Variants in CDCP1 observed in about 807,000 individuals in gnomAD.
CDCP1 encodes the protein CUB domain containing protein 1.
In CDCP1, 29 loss-of-function variants were observed where a neutral mutation model predicts 60.2. The observed-to-expected ratio is 0.48, with a 90% CI of 0.36 to 0.66. CDCP1 has a LOEUF of 0.66. Among genes scored for constraint, CDCP1 ranks in the 30% least tolerant of loss-of-function variants. The pLI is 0.00. For synonymous variants in CDCP1, 387 were observed against 431.1 expected, an observed-to-expected ratio of 0.90 and a Z score of 1.27; for missense variants, 876 against 1,074.3, an observed-to-expected ratio of 0.82 and a Z score of 2.58.
At chr3:45,101,253 G>A (rs1021906616) in intron 4 of CDCP1, among the ~76,000 whole-genome samples, 6 of 152,172 alleles carry the variant, frequency 3.9e-5, no homozygotes, top group African/African-American at 1.4e-4. Context: ...CAGGGGTGGT[G>A]AATATTTTAG....
chr3:45,102,774 C>T (rs1380787438), intron 4 of CDCP1, among the ~76,000 whole-genome samples: 3 of 152,158 alleles, frequency 2.0e-5, no homozygotes, highest in South Asian at 4.1e-4. Flanking sequence ...GATTCTCCCA[C>T]CTCAGCCTCC....
At chr3:45,108,679 CA>C (rs1698613800) in intron 4 of CDCP1, among the ~76,000 whole-genome samples, 1 of 148,048 alleles carries the variant, frequency 6.8e-6, no homozygotes, top group Non-Finnish European at 1.5e-5. Context: ...CACACACACA[CA>C]CTATATATAT....
In CDCP1 at chr3:45,085,923, T is replaced by C. The variant is rs756678904; in HGVS notation, c.2226A>G (p.Val742=). The change falls in exon 9 of 9, where the codon GTA becomes GTG. Residue 742 remains valine (V), a synonymous_variant. Transcript: ENST00000296129. The surrounding 1 kb of genome is among the most constrained non-coding windows in gnomAD (Gnocchi z 4.2). ...TGGAATCCTGTAGCAGATGCCCATA[T>C]ACCATGGTGTCCTCGATGACTGCAT... ...HVYAVIEDTM[V]YGHLLQDSSG... is the part of the protein sequence containing the mutation. 6.2e-6 allele frequency: 10 copies of C among 1,614,068 alleles called. No homozygotes were observed. The South Asian group carries it at 6.6e-5, about 11-fold the overall frequency.
At chr3:45,120,966 C>CA (rs1231372501) in intron 1 of CDCP1, among the ~76,000 whole-genome samples, 1 of 152,140 alleles carries the variant, frequency 6.6e-6, no homozygotes, top group African/African-American at 2.4e-5. Flanking sequence ...TGAGCTCCTA[C>CA]AGGAGGCAGC....
chr3:45,088,309 C>T (rs1698234621), intron 8 of CDCP1, among the ~76,000 whole-genome samples: 1 of 151,540 alleles, frequency 6.6e-6, no homozygotes, highest in South Asian at 2.1e-4. Flanking sequence ...AGGTGAAATC[C>T]CGTTTCTACA....
At chr3:45,125,621 G>T (rs1288506028) in intron 1 of CDCP1, among the ~76,000 whole-genome samples, 1 of 152,182 alleles carries the variant, frequency 6.6e-6, no homozygotes, top group African/African-American at 2.4e-5. Flanking sequence ...CAGCGATGGG[G>T]CACCATTGAA....
At chr3:45,134,633 G>A (rs774413057) in intron 1 of CDCP1, among the ~76,000 whole-genome samples, 1 of 152,184 alleles carries the variant, frequency 6.6e-6, no homozygotes, top group Non-Finnish European at 1.5e-5. Context: ...AGTGGGGGAC[G>A]GGAGAGCAAA....
chr3:45,134,310 G>C (rs556143150), intron 1 of CDCP1, among the ~76,000 whole-genome samples: 1 of 152,314 alleles, frequency 6.6e-6, no homozygotes, highest in South Asian at 2.1e-4. Flanking sequence ...ATTTTTAGTA[G>C]AGACGGGGTT....
intron 1 of CDCP1, among the ~76,000 whole-genome samples, chr3:45,145,440 C>T (rs1229505273): frequency 1.3e-5 from 2 of 152,216 alleles, no homozygotes; most frequent in African/African-American, 4.8e-5. Context: ...GTCACTGGGA[C>T]GTGTTGGTCC....
intron 4 of CDCP1, among the ~76,000 whole-genome samples, chr3:45,095,841 ATATC>A (rs1698388415): frequency 6.6e-6 from 1 of 152,254 alleles, no homozygotes; most frequent in East Asian, 1.9e-4. Flanking sequence ...AAAGATTAAA[ATATC>A]TGTCTGATGA....
At chr3:45,107,627 G>A (rs1434244629) in intron 4 of CDCP1, among the ~76,000 whole-genome samples, 2 of 152,158 alleles carry the variant, frequency 1.3e-5, no homozygotes, top group South Asian at 2.1e-4. Flanking sequence ...ACAACACCCC[G>A]ATGAGGACAG....
At chr3:45,112,654 C>T (rs1698719859) in intron 2 of CDCP1, among the ~76,000 whole-genome samples, 1 of 152,212 alleles carries the variant, frequency 6.6e-6, no homozygotes, top group Admixed American at 6.5e-5. Context: ...TGCCTCAGCT[C>T]GGGGGAGCTG....
In CDCP1 at chr3:45,093,340, G is replaced by C. The variant is rs957292308; in HGVS notation, c.1564C>G (p.Pro522Ala). The C allele has an allele frequency of 6.2e-7, 1 of 1,614,180 alleles. No individual in the cohort carries two copies. Among genetic ancestry groups the C allele is most frequent in the Admixed American group, 1.7e-5 (1 of 60,028 alleles). ...NISVTLRTFAPSFQQEASRQG... is the reference protein window; with the variant it reads ...NISVTLRTFAASFQQEASRQG... ...CTGGAGGCCTCTTGTTGGAAGCTGG[G>C]GGCAAAGGTGCGAAGGGTCACCGAG... Residue 522 changes from proline to alanine, a missense_variant, in exon 6 of 9, where the codon CCC becomes GCC. Coordinates refer to ENST00000296129, the MANE Select transcript of CDCP1 (RefSeq NM_022842.5).
rs1236876046 is a variant in CDCP1 at position 45,089,478 on chromosome 3, T to C, written c.1994-337A>G. On this transcript the variant is annotated intron_variant, in intron 7 of 8. Transcript: ENST00000296129. ...TGTGAGAAAGCCCAAGCTAGCCATGTAGAGATTCCACCGGGGAAAAAAATC... is the reference window on the plus strand; with the variant it reads ...TGTGAGAAAGCCCAAGCTAGCCATGCAGAGATTCCACCGGGGAAAAAAATC... Among the ~76,000 whole-genome samples, 4 of 152,210 alleles carry C rather than the reference T, an allele frequency of 2.6e-5. No homozygotes were observed. In the South Asian group the frequency reaches 6.2e-4, roughly 24 times the overall value.
intron 8 of CDCP1, among the ~76,000 whole-genome samples, chr3:45,086,332 T>C (rs1421742356): frequency 6.6e-6 from 1 of 152,220 alleles, no homozygotes; most frequent in Non-Finnish European, 1.5e-5. Flanking sequence ...TCTATCACTA[T>C]CTGTGCTCAA....
In CDCP1 at chr3:45,085,696, C is replaced by A; in HGVS notation, c.2453G>T (p.Ser818Ile). The change falls in exon 9 of 9, where the codon AGC (serine) becomes ATC (isoleucine). Residue 818 changes from serine to isoleucine, a missense_variant. Transcript: ENST00000296129. The surrounding 1 kb of genome is among the most constrained non-coding windows in gnomAD (Gnocchi z 4.2). Reference sequence around the variant, plus strand: ...CAGTAAGGGAATGTCTGTGTCCTTGCTGCTTACATCCCCATTGTTGGGATG... The same window carrying A: ...CAGTAAGGGAATGTCTGTGTCCTTGATGCTTACATCCCCATTGTTGGGATG... ...FSHPNNGDVS[S>I]KDTDIPLLNT... 1 of 1,614,180 alleles carries A rather than the reference C, an allele frequency of 6.2e-7. No individual in the cohort carries two copies. Among genetic ancestry groups the A allele is most frequent in the Non-Finnish European group, 8.5e-7 (1 of 1,180,024 alleles).
intron 5 of CDCP1, 61 bp downstream of exon 5, chr3:45,095,286 C>T: frequency 6.7e-7 from 1 of 1,501,976 alleles, no homozygotes; most frequent in South Asian, 1.2e-5. Context: ...CCCACTAAGG[C>T]AAGGCGGGGA....
intron 1 of CDCP1, among the ~76,000 whole-genome samples, chr3:45,135,521 T>A (rs760845674): frequency 6.6e-6 from 1 of 152,166 alleles, no homozygotes; most frequent in Non-Finnish European, 1.5e-5. Context: ...TTGTAGGTGA[T>A]CTCCAGTTAG....
At chr3:45,095,781 A>G (rs1197018562) in intron 4 of CDCP1, among the ~76,000 whole-genome samples, 13 of 152,242 alleles carry the variant, frequency 8.5e-5, no homozygotes, top group Non-Finnish European at 4.4e-5. Context: ...ATAAAAACAA[A>G]GAGAAAATCA....
Sources: allele counts gnomAD v4.1 joint callset (sites outside exome capture counted in the v4.1 genomes callset), GRCh38; gene constraint gnomAD v4.1.1; non-coding constraint Gnocchi (gnomAD v3.1); transcripts MANE v1.5; gene names NCBI Gene and HGNC (gene_info 2026-07-23, HGNC 2026-07-21).